The following PDZD2 variants were observed in gnomAD, a reference collection of about 807,000 sequenced individuals.
The protein encoded by PDZD2 is PDZ domain-containing protein 2.
In PDZD2, 90 loss-of-function variants were observed where a neutral mutation model predicts 220.7. The observed-to-expected ratio is 0.41, with a 90% CI of 0.34 to 0.49. The LOEUF (loss-of-function observed/expected upper bound fraction) is 0.49, where lower values mean the gene tolerates loss of function less well. Ranked by LOEUF, PDZD2 falls within the 20% of genes least tolerant of loss-of-function variation. The pLI, the probability that PDZD2 is intolerant of heterozygous loss-of-function variation, is 0.28. For synonymous variants in PDZD2, 1,375 were observed against 1,450.5 expected (o/e 0.95, Z 1.18); for missense variants, 3,174 against 3,608.5 (o/e 0.88, Z 3.08).
intron 1 of PDZD2, among the ~76,000 whole-genome samples, chr5:31,781,904 G>A (rs1753080526): frequency 6.6e-6 from 1 of 151,494 alleles, no homozygotes; most frequent in African/African-American, 2.4e-5. Flanking sequence ...GGGCTGTGAG[G>A]AGCAGATTTG....
rs147662367 is a variant in PDZD2, at chr5:31,937,859, C to A, written c.477-45296C>A. On this transcript the variant is annotated intron_variant, in intron 2 of 24. Transcript: ENST00000438447. ...TAGAAGCTGTGTTGGGGACAGGTTC[C>A]TTCCCAGGGTTCCTGCTGGAAGCGG... Among the ~76,000 whole-genome samples, 315 of 152,328 alleles carry A rather than the reference C, an allele frequency of 2.1e-3. 2 individuals are homozygous for A. Among genetic ancestry groups the A allele is most frequent in the African/African-American group, 7.2e-3 (301 of 41,572 alleles).
chr5:31,983,136 A>C lies in PDZD2; in HGVS notation c.477-19A>C, dbSNP rs758526090. The C allele has an allele frequency of 6.9e-6, 11 of 1,601,826 alleles. No individual in the cohort carries two copies. The highest frequency in any genetic ancestry group is 9.4e-6 in the Non-Finnish European group (11 of 1,173,352). The stretch of plus-strand genomic sequence containing the variant: ...AAGGGTGTGTGGGGTTCTAACTGGC[A>C]CCTCTCTGTCTGTTGCAGTTACCTG... On this transcript the variant is annotated intron_variant, in intron 2 of 24. Transcript: ENST00000438447.
intron 2 of PDZD2, among the ~76,000 whole-genome samples, chr5:31,942,804 A>T (rs1746320688): frequency 6.6e-6 from 1 of 152,212 alleles, no homozygotes; most frequent in Non-Finnish European, 1.5e-5. Flanking sequence ...GAACTCCCCA[A>T]GGTTGATGTG....
At chr5:31,892,918 T>A (rs1042500958) in intron 2 of PDZD2, among the ~76,000 whole-genome samples, 2 of 152,068 alleles carry the variant, frequency 1.3e-5, no homozygotes, top group African/African-American at 4.8e-5. Context: ...GAGACAGGTG[T>A]GTAGACACAC....
chr5:31,929,392 A>G (rs116263440), intron 2 of PDZD2, among the ~76,000 whole-genome samples: 3,274 of 152,352 alleles, frequency 0.021, 59 homozygotes, highest in Middle Eastern at 0.034. Flanking sequence ...TCAAATGTTT[A>G]GCTGCATCTC....
At chr5:31,825,161 A>G (rs1047355655) in intron 2 of PDZD2, among the ~76,000 whole-genome samples, 11 of 152,180 alleles carry the variant, frequency 7.2e-5, no homozygotes, top group Non-Finnish European at 1.5e-4. Flanking sequence ...GAAAATCTGG[A>G]ATCAAGCCAG....
At chr5:31,797,073 G>A (rs1207668394) in intron 1 of PDZD2, among the ~76,000 whole-genome samples, 2 of 144,354 alleles carry the variant, frequency 1.4e-5, no homozygotes, top group Admixed American at 6.9e-5. Context: ...CACCACAGGC[G>A]CCCGCCACCA....
chr5:31,889,240 C>G (rs891374184), intron 2 of PDZD2, among the ~76,000 whole-genome samples: 3 of 152,172 alleles, frequency 2.0e-5, no homozygotes, highest in Non-Finnish European at 4.4e-5. Flanking sequence ...GGTTTTAGCT[C>G]TCTTTTGGCA....
intron 1 of PDZD2, among the ~76,000 whole-genome samples, chr5:31,658,002 C>G (rs149440734): frequency 1.3e-5 from 2 of 152,284 alleles, no homozygotes; most frequent in East Asian, 3.9e-4. Flanking sequence ...CCCCACCCAA[C>G]AAATTCTCTA....
chr5:31,695,026 C>T (rs893721548), intron 1 of PDZD2, among the ~76,000 whole-genome samples: 4 of 151,598 alleles, frequency 2.6e-5, no homozygotes, highest in South Asian at 2.1e-4. Flanking sequence ...CAGGAGGCTG[C>T]GGCAGGAGAA....
chr5:32,026,367 G>A (rs1754662232), intron 6 of PDZD2, among the ~76,000 whole-genome samples: 1 of 151,950 alleles, frequency 6.6e-6, no homozygotes. Context: ...GAACTCCTGG[G>A]CTCAAAGCAA....
chr5:31,809,021 G>T (rs957969848), intron 2 of PDZD2, among the ~76,000 whole-genome samples: 3 of 152,106 alleles, frequency 2.0e-5, no homozygotes, highest in East Asian at 1.9e-4. Context: ...AATTAGGATG[G>T]TTTTTTAACA....
At chr5:32,091,829 T>C (rs1356104954) in intron 20 of PDZD2, among the ~76,000 whole-genome samples, 1 of 152,130 alleles carries the variant, frequency 6.6e-6, no homozygotes, top group Non-Finnish European at 1.5e-5. Flanking sequence ...TTTACCAAAG[T>C]GTCGCTCTGA....
chr5:32,098,278 C>A lies in PDZD2; in HGVS notation c.7948-86C>A. 7.7e-7 allele frequency: 1 copy of A among 1,305,168 alleles called. No individual in the cohort carries two copies. The highest frequency in any genetic ancestry group is 1.1e-6 in the Non-Finnish European group (1 of 932,470). 80.8% of individuals were successfully genotyped at this position (1,305,168 alleles called of 1,614,324 possible). A position where few individuals can be genotyped will look rare whatever the true frequency, so the allele number is the denominator to read the frequency against. ...ATAAAAAAGGAAGGTTCCTTTACTA[C>A]AGATACGCAGTTAGTTACTATCTCC... On this transcript the variant is annotated intron_variant, in intron 22 of 24. Coordinates refer to ENST00000438447, the MANE Select transcript of PDZD2 (RefSeq NM_178140.4). This position sits in a 1 kb window ranked among gnomAD's most constrained non-coding sequence, Gnocchi z 4.1.
At chr5:31,923,808 G>T (rs960260993) in intron 2 of PDZD2, among the ~76,000 whole-genome samples, 1 of 152,162 alleles carries the variant, frequency 6.6e-6, no homozygotes, top group African/African-American at 2.4e-5. Context: ...ACTCTGTACA[G>T]GTGCCTGGAC....
chr5:32,046,959 C>T (rs952509335), intron 7 of PDZD2, among the ~76,000 whole-genome samples: 1 of 152,112 alleles, frequency 6.6e-6, no homozygotes, highest in Non-Finnish European at 1.5e-5. Flanking sequence ...AGGAGAATCA[C>T]TTGAACCTGG....
chr5:31,872,628 C>T (rs1465434376), intron 2 of PDZD2, among the ~76,000 whole-genome samples: 6 of 152,152 alleles, frequency 3.9e-5, no homozygotes, highest in South Asian at 4.1e-4. Context: ...TACATTGTTA[C>T]GAACATTGTA....
chr5:32,017,587 A>G (rs748464134), intron 6 of PDZD2, among the ~76,000 whole-genome samples: 1 of 152,222 alleles, frequency 6.6e-6, no homozygotes, highest in Admixed American at 6.5e-5. Flanking sequence ...TGATTTAGAC[A>G]TCATTTTTTG....
intron 2 of PDZD2, among the ~76,000 whole-genome samples, chr5:31,820,391 G>T: frequency 7.9e-6 from 1 of 126,568 alleles, no homozygotes; most frequent in East Asian, 2.1e-4. Context: ...GATTGGTCTG[G>T]TGTGACTACA....
Sources: gnomAD v4.1 joint callset for allele counts (sites outside exome capture counted in the v4.1 genomes callset) on GRCh38, gnomAD v4.1.1 for gene constraint, Gnocchi (gnomAD v3.1) non-coding constraint, MANE v1.5 for transcripts, NCBI Gene and HGNC (gene_info 2026-07-23, HGNC 2026-07-21) for gene names.